RUFY4: variants seen among roughly 807,000 people sequenced by gnomAD.
RUFY4 encodes RUN and FYVE domain containing 4.
A neutral mutation model predicts 69.0 loss-of-function variants in RUFY4; 73 were observed. The ratio of observed to expected loss-of-function variants is 1.06; its 90% CI spans 0.88 to 1.29. RUFY4 has a LOEUF of 1.29. RUFY4 is among the 50% of genes most tolerant of loss of function. The pLI, the probability that RUFY4 is intolerant of heterozygous loss-of-function variation, is 0.00. For missense variants in RUFY4, 770 were observed against 705.6 expected (o/e 1.09, Z -1.03); for synonymous variants, 287 against 271.8 (o/e 1.06, Z -0.55).
chr2:218,045,949 C>T (rs1375116773), intron 2 of RUFY4, among the ~76,000 whole-genome samples: 2 of 152,112 alleles, frequency 1.3e-5, no homozygotes, highest in Non-Finnish European at 1.5e-5. Flanking sequence ...GGACTACAGG[C>T]TCCCGCCATG....
intron 8 of RUFY4, among the ~76,000 whole-genome samples, chr2:218,080,568 T>C (rs1222442342): frequency 6.6e-6 from 1 of 152,200 alleles, no homozygotes; most frequent in African/African-American, 2.4e-5. Context: ...CAGATGCTCA[T>C]GGGGCCATCT....
chr2:218,089,248 T>C lies in RUFY4; in HGVS notation c.1503-4T>C. ...GTGTCTCTCCACCTTCATCCCCCCA[T>C]CAGAGAGAAGGACCGCCTGTGGCAG... On this transcript the variant is annotated splice_region_variant and splice_polypyrimidine_tract_variant and intron_variant, in intron 9 of 10. Coordinates refer to ENST00000344321, the Ensembl canonical transcript of RUFY4. 1 of 1,610,986 alleles carries C rather than the reference T, an allele frequency of 6.2e-7. No individual in the cohort carries two copies. Among genetic ancestry groups the C allele is most frequent in the Non-Finnish European group, 8.5e-7 (1 of 1,177,560 alleles).
rs531786905 is a variant in RUFY4, at chr2:218,056,945, G to A, written c.-1157-1650G>A. Among the ~76,000 whole-genome samples the A allele has an allele frequency of 1.6e-3, 240 of 152,254 alleles. 7 individuals are homozygous for A. In the South Asian group the frequency reaches 0.045, roughly 29 times the overall value. On this transcript the variant is annotated intron_variant and NMD_transcript_variant, in intron 2 of 13. Coordinates refer to the RUFY4 transcript ENST00000457754. ...TACTAAAAATTAGCCAGGCATGGTG[G>A]CTTGCGCCTGTAGTCCCCAGCTACT...
chr2:218,081,335 G>C (rs1689754888), intron 8 of RUFY4, among the ~76,000 whole-genome samples: 2 of 152,048 alleles, frequency 1.3e-5, no homozygotes, highest in African/African-American at 2.4e-5. Context: ...CTTTACATGT[G>C]CCCATGCCTG....
rs149102998 is a variant in RUFY4, at chr2:218,085,141, G to A, written c.1502+1885G>A. 3.7e-3 allele frequency among the ~76,000 whole-genome samples: 559 copies of A among 152,268 alleles called. 9 individuals are homozygous for A. In the East Asian group the frequency reaches 0.044, roughly 12 times the overall value. On this transcript the variant is annotated intron_variant, in intron 9 of 10. Coordinates refer to ENST00000344321, the Ensembl canonical transcript of RUFY4. ...AGTGTTAGGATTAGGGTTAGCATTA[G>A]AACTCAGCACTGAGCATATTGGTAG...
chr2:218,040,057 C>G (rs1368855081), intron 2 of RUFY4, among the ~76,000 whole-genome samples: 2 of 152,128 alleles, frequency 1.3e-5, no homozygotes, highest in African/African-American at 4.8e-5. Flanking sequence ...TCTTATCAGA[C>G]AGTTGCAAGC....
At chr2:218,084,641 C>T (rs568470121) in intron 9 of RUFY4, among the ~76,000 whole-genome samples, 6 of 152,160 alleles carry the variant, frequency 3.9e-5, no homozygotes, top group African/African-American at 1.4e-4. Context: ...AATTTACTGT[C>T]AATTGGGAGG....
intron 2 of RUFY4, among the ~76,000 whole-genome samples, chr2:218,036,321 T>G (rs116485792): frequency 0.012 from 1,862 of 152,236 alleles, 40 homozygotes; most frequent in African/African-American, 0.042. Context: ...CAAAGGAGGC[T>G]CTGCATCCTC....
exon 11 of RUFY4, chr2:218,090,089 C>A: frequency 7.4e-7 from 1 of 1,356,648 alleles, no homozygotes; most frequent in Non-Finnish European, 1.0e-6. Flanking sequence ...TGGCCTCCCA[C>A]CTGCCTGCCC....
exon 8 of RUFY4, chr2:218,076,506 T>C (rs559292080): frequency 1.1e-5 from 17 of 1,550,904 alleles, no homozygotes; most frequent in Admixed American, 7.9e-5. Flanking sequence ...GAGGGGGAGC[T>C]GCAGGCACTT....
chr2:218,082,810 G>A (rs1313528189), intron 8 of RUFY4, among the ~76,000 whole-genome samples: 6 of 151,870 alleles, frequency 4.0e-5, no homozygotes, highest in East Asian at 1.9e-4. Context: ...GAGATGTGTC[G>A]TGTGTTGTGG....
At chr2:218,057,591 A>G (rs1363456890) in intron 2 of RUFY4, among the ~76,000 whole-genome samples, 1 of 148,138 alleles carries the variant, frequency 6.8e-6, no homozygotes, top group Non-Finnish European at 1.5e-5. Flanking sequence ...TAAGGATACA[A>G]TCCATTGTTT....
At chr2:218,073,135 G>A (rs1459611513) in intron 4 of RUFY4, 108 bp from the exon 7 acceptor site, 1 of 1,330,328 alleles carries the variant, frequency 7.5e-7, no homozygotes, top group Non-Finnish European at 1.0e-6. Context: ...TCATGACGGT[G>A]TGTAGTGGAG....
intron 2 of RUFY4, among the ~76,000 whole-genome samples, chr2:218,039,558 G>A (rs1037603937): frequency 1.3e-5 from 2 of 152,174 alleles, no homozygotes; most frequent in Non-Finnish European, 2.9e-5. Context: ...AGTATAGTAG[G>A]GTTCATGTTA....
upstream of RUFY4, among the ~76,000 whole-genome samples, chr2:218,067,391 G>A (rs1054315594): frequency 5.9e-5 from 9 of 152,336 alleles, no homozygotes; most frequent in South Asian, 8.3e-4. Flanking sequence ...AGATGTCCGG[G>A]TAGCCACTGA....
exon 7 of RUFY4, chr2:218,075,690 G>A (rs558591588): frequency 1.4e-6 from 2 of 1,472,080 alleles, no homozygotes; most frequent in East Asian, 4.7e-5. Flanking sequence ...AGTGACCCTT[G>A]TGGCCAGAAG....
chr2:218,046,424 A>G (rs950528306), intron 2 of RUFY4, among the ~76,000 whole-genome samples: 2 of 151,874 alleles, frequency 1.3e-5, no homozygotes, highest in Admixed American at 1.3e-4. Context: ...AACTTTTTTT[A>G]GCTTCCACAT....
At chr2:218,053,047 A>T (rs969541861) in intron 2 of RUFY4, among the ~76,000 whole-genome samples, 2 of 152,056 alleles carry the variant, frequency 1.3e-5, no homozygotes, top group African/African-American at 4.8e-5. Flanking sequence ...GCAGCCTTAA[A>T]CTCCTGGGCT....
At chr2:218,076,577 C>T (rs1689638945) in intron 8 of RUFY4, 44 bp downstream of exon 10, 1 of 1,542,688 alleles carries the variant, frequency 6.5e-7, no homozygotes, top group Non-Finnish European at 8.7e-7. Flanking sequence ...GAAGTGCTCC[C>T]TAGGTCCTGC....
Sources: allele counts gnomAD v4.1 joint callset (sites outside exome capture counted in the v4.1 genomes callset), GRCh38; gene constraint gnomAD v4.1.1; transcripts MANE v1.5; gene names NCBI Gene and HGNC (gene_info 2026-07-23, HGNC 2026-07-21).